Variants in IPCEF1 observed in about 807,000 individuals in gnomAD.
The protein encoded by IPCEF1 is interaction protein for cytohesin exchange factors 1.
IPCEF1 carries 31 observed loss-of-function variants against 50.9 expected under a neutral mutation model. The observed-to-expected ratio is 0.61, with a 90% CI of 0.46 to 0.82. The LOEUF is 0.82. Among genes scored for constraint, IPCEF1 ranks in the 40% least tolerant of loss-of-function variants. IPCEF1 has a pLI of 0.00. For synonymous variants in IPCEF1, 181 were observed against 192.0 expected (o/e 0.94, Z 0.47); for missense variants, 458 against 514.0 (o/e 0.89, Z 1.05).
intron 1 of IPCEF1, among the ~76,000 whole-genome samples, chr6:154,354,423 C>CATCTCCTCCACA (rs1784172654): frequency 2.1e-5 from 3 of 141,382 alleles, no homozygotes; most frequent in East Asian, 4.1e-4. Flanking sequence ...CCACCTCCAC[C>CATCTCCTCCACA]ACCACCTCCA....
In IPCEF1 at chr6:154,272,276, T is replaced by C. The variant is rs566210816; in HGVS notation, c.-17-6312A>G. Among the ~76,000 whole-genome samples, 24 of 152,322 alleles carry C rather than the reference T, an allele frequency of 1.6e-4. No individual in the cohort carries two copies. The South Asian group carries it at 5.0e-3, about 32-fold the overall frequency. On this transcript the variant is annotated intron_variant, in intron 2 of 11. Coordinates refer to ENST00000367220, the MANE Select transcript of IPCEF1 (RefSeq NM_001130700.2). ...GAAATAGCTTCATTATACAAAACTA[T>C]CCTTCCTAATGGAATTAGTATACAA...
intron 1 of IPCEF1, among the ~76,000 whole-genome samples, chr6:154,332,087 C>A (rs1052292483): frequency 3.3e-5 from 5 of 152,108 alleles, no homozygotes; most frequent in African/African-American, 7.2e-5. Context: ...TCTGAGGAGG[C>A]AAGAATCGGT....
intron 10 of IPCEF1, among the ~76,000 whole-genome samples, chr6:154,189,119 T>G (rs1372974034): frequency 6.6e-6 from 1 of 152,078 alleles, no homozygotes; most frequent in African/African-American, 2.4e-5. Flanking sequence ...ACAAATCCAT[T>G]GGAAAAACAA....
intron 2 of IPCEF1, among the ~76,000 whole-genome samples, chr6:154,286,870 TG>T (rs774835671): frequency 2.6e-5 from 4 of 152,320 alleles, no homozygotes; most frequent in Non-Finnish European, 4.4e-5. Flanking sequence ...CACGTGATAT[TG>T]TTTGGCCCCG....
At position 154,168,590 on chromosome 6, in the gene IPCEF1, A is replaced by T. The variant is rs1480827634; in HGVS notation, c.911-477T>A. ...AGGACGTCAACATACGAATTTTATTAATTAATTAATTAATTTTATTATTAT... is the reference window on the plus strand; with the variant it reads ...AGGACGTCAACATACGAATTTTATTTATTAATTAATTAATTTTATTATTAT... On this transcript the variant is annotated intron_variant, in intron 10 of 11. Coordinates refer to ENST00000367220, the MANE Select transcript of IPCEF1 (RefSeq NM_001130700.2). The surrounding 1 kb of genome is among the most constrained non-coding windows in gnomAD (Gnocchi z 4.1). Among the ~76,000 whole-genome samples the T allele has an allele frequency of 6.6e-6, 1 of 152,006 alleles. No homozygotes were observed. Among genetic ancestry groups the T allele is most frequent in the Non-Finnish European group, 1.5e-5 (1 of 68,004 alleles).
chr6:154,268,467 C>T (rs1413826842), intron 2 of IPCEF1, among the ~76,000 whole-genome samples: 1 of 152,222 alleles, frequency 6.6e-6, no homozygotes, highest in East Asian at 1.9e-4. Context: ...TCTGTCCACA[C>T]CCATTGCCAT....
chr6:154,335,845 T>C (rs144489611), intron 1 of IPCEF1, among the ~76,000 whole-genome samples: 28 of 151,926 alleles, frequency 1.8e-4, no homozygotes, highest in East Asian at 9.7e-4. Context: ...AGGACATGAA[T>C]AGACATTCTC....
chr6:154,179,499 G>GC (rs1012419016), intron 10 of IPCEF1, among the ~76,000 whole-genome samples: 25 of 151,992 alleles, frequency 1.6e-4, no homozygotes, highest in East Asian at 5.8e-4. Flanking sequence ...AATTATTTCC[G>GC]CCCCCCCTTA....
chr6:154,273,748 TTTTTTTTTTTTTTTTTTTTTTTTGA>T (rs1781966917), intron 2 of IPCEF1, among the ~76,000 whole-genome samples: 1 of 69,906 alleles, frequency 1.4e-5, no homozygotes, highest in Admixed American at 1.5e-4. Context: ...TTTTTTTTTT[TTTTTTTTTTTTTTTTTTTTTTTTGA>T]GGCAGAGTCT....
chr6:154,218,584 C>G (rs1033815479), intron 7 of IPCEF1, among the ~76,000 whole-genome samples: 2 of 152,144 alleles, frequency 1.3e-5, no homozygotes, highest in African/African-American at 2.4e-5. Context: ...TGGCTTAAAC[C>G]GGCTGCATCA....
At chr6:154,263,141 A>G (rs796643780) in intron 3 of IPCEF1, among the ~76,000 whole-genome samples, 15 of 151,792 alleles carry the variant, frequency 9.9e-5, no homozygotes, top group African/African-American at 3.6e-4. Flanking sequence ...CTGAACTTCA[A>G]CTTCCTTACT....
chr6:154,296,793 C>T (rs1027679584), intron 1 of IPCEF1, among the ~76,000 whole-genome samples: 5 of 148,138 alleles, frequency 3.4e-5, no homozygotes, highest in African/African-American at 1.3e-4. Flanking sequence ...CACCCCACTG[C>T]ACTCCAGCCT....
At chr6:154,348,267 C>G (rs772115817) in intron 1 of IPCEF1, among the ~76,000 whole-genome samples, 1 of 152,186 alleles carries the variant, frequency 6.6e-6, no homozygotes, top group South Asian at 2.1e-4. Context: ...AAAAGCTGCT[C>G]TAGTTGATTA....
chr6:154,328,565 C>A (rs1783579670), intron 1 of IPCEF1, among the ~76,000 whole-genome samples: 1 of 151,304 alleles, frequency 6.6e-6, no homozygotes, highest in Admixed American at 6.6e-5. Flanking sequence ...CATAGCAAGA[C>A]CCCAAATCTA....
chr6:154,186,619 CG>C (rs969083780), intron 10 of IPCEF1, among the ~76,000 whole-genome samples: 2 of 151,652 alleles, frequency 1.3e-5, no homozygotes, highest in Non-Finnish European at 2.9e-5. Flanking sequence ...TGCAGTGGTG[CG>C]ATCTTGGCTC....
At chr6:154,326,277 A>G (rs1323388140) in intron 1 of IPCEF1, among the ~76,000 whole-genome samples, 1 of 152,052 alleles carries the variant, frequency 6.6e-6, no homozygotes, top group Non-Finnish European at 1.5e-5. Context: ...CATAGTAAAA[A>G]TACACATTTT....
At chr6:154,171,345 C>G (rs1762953807) in intron 10 of IPCEF1, among the ~76,000 whole-genome samples, 1 of 152,048 alleles carries the variant, frequency 6.6e-6, no homozygotes, top group Non-Finnish European at 1.5e-5. Flanking sequence ...AAACATTTTG[C>G]TAAGTAAAAG....
chr6:154,244,242 G>A (rs183834246), intron 5 of IPCEF1, among the ~76,000 whole-genome samples: 4 of 152,172 alleles, frequency 2.6e-5, no homozygotes, highest in Non-Finnish European at 4.4e-5. Context: ...AGCATTCATT[G>A]AGTAGCCTTT....
In IPCEF1 at chr6:154,212,862, C is replaced by A; in HGVS notation, c.452-7G>T. 6.3e-6 allele frequency: 10 copies of A among 1,597,316 alleles called. No individual in the cohort carries two copies. The highest frequency in any genetic ancestry group is 8.6e-6 in the Non-Finnish European group (10 of 1,164,852). On this transcript the variant is annotated splice_polypyrimidine_tract_variant and splice_region_variant and intron_variant, in intron 8 of 11. Coordinates refer to ENST00000367220, the MANE Select transcript of IPCEF1 (RefSeq NM_001130700.2). ...TCACTTTCACTGTAACATTCTATAACAAAAATGAAAATGCTTAATGTTTTA... is the reference window on the plus strand; with the variant it reads ...TCACTTTCACTGTAACATTCTATAAAAAAAATGAAAATGCTTAATGTTTTA...
Sources: gnomAD v4.1 joint callset for allele counts (sites outside exome capture counted in the v4.1 genomes callset) on GRCh38, gnomAD v4.1.1 for gene constraint, Gnocchi (gnomAD v3.1) non-coding constraint, MANE v1.5 for transcripts, NCBI Gene and HGNC (gene_info 2026-07-23, HGNC 2026-07-21) for gene names.